Variants in FADS3 observed in about 807,000 individuals in gnomAD.
FADS3 encodes the protein fatty acid desaturase 3.
FADS3 carries 30 observed loss-of-function variants against 60.4 expected under a neutral mutation model. That is an observed-to-expected ratio of 0.50 (90% CI 0.37 to 0.67). FADS3 has a LOEUF of 0.67. Among genes scored for constraint, FADS3 ranks in the 30% least tolerant of loss-of-function variants. FADS3 has a pLI of 0.00. For missense variants in FADS3, 432 were observed against 598.3 expected (o/e 0.72, Z 2.90); for synonymous variants, 234 against 249.3 (o/e 0.94, Z 0.58).
At chr11:61,878,087 C>T (rs1937977823) in intron 6 of FADS3, 68 bp downstream of exon 6, 4 of 1,454,668 alleles carry the variant, frequency 2.7e-6, no homozygotes, top group African/African-American at 2.8e-5. Flanking sequence ...GGGAGTGGTC[C>T]AGGACAGCAG....
At chr11:61,884,901 T>C (rs1938258482) in intron 1 of FADS3, among the ~76,000 whole-genome samples, 1 of 152,128 alleles carries the variant, frequency 6.6e-6, no homozygotes, top group Admixed American at 6.5e-5. Flanking sequence ...CTGTTCACAG[T>C]GGCATCCTCA....
In FADS3 at chr11:61,891,217, G is replaced by T; in HGVS notation, c.165C>A (p.His55Gln). 6.4e-7 allele frequency: 1 copy of T among 1,556,190 alleles called. No homozygotes were observed. The highest frequency in any genetic ancestry group is 2.4e-5 in the East Asian group (1 of 41,588). ...GGCCGATGAGGCGGCTGCCCCCTGG[G>T]TGCCGCTGTGCCCAGCGGCTGATGT... ...VYDISRWAQR[H>Q]PGGSRLIGHH... The change falls in exon 1 of 12, where the codon CAC (histidine) becomes CAA (glutamine). Residue 55 changes from histidine (H) to glutamine (Q), a missense_variant. By Grantham distance (24) the His-to-Gln change is conservative. Coordinates refer to ENST00000278829, the MANE Select transcript of FADS3 (RefSeq NM_021727.5).
At position 61,891,484 on chromosome 11, in the gene FADS3, GCTGCTCC is replaced by G; in HGVS notation, c.-110_-104del. On this transcript the variant is annotated 5_prime_UTR_variant, in exon 1 of 12. Coordinates refer to ENST00000278829, the MANE Select transcript of FADS3 (RefSeq NM_021727.5). ...CCGGGCGCCGCCTCCGCCGCCGCCC[GCTGCTCC>G]GGCCCCGCCCTGCCGCCGCGGCCGC... is the stretch of plus-strand genomic sequence containing the variant. The G allele has an allele frequency of 1.2e-6, 1 of 802,004 alleles. No homozygotes were observed. Among genetic ancestry groups the G allele is most frequent in the Non-Finnish European group, 1.7e-6 (1 of 592,566 alleles). The allele number at this position is 802,004 out of a possible 1,614,324, so 49.7% of individuals were successfully genotyped here. A position where few individuals can be genotyped will look rare whatever the true frequency, so the allele number is the denominator to read the frequency against.
chr11:61,891,106 C>A, intron 1 of FADS3, 63 bp downstream of exon 1: 1 of 1,387,708 alleles, frequency 7.2e-7, no homozygotes, highest in South Asian at 1.2e-5. Flanking sequence ...AGCGGGACAT[C>A]ACGCCCACGA....
At position 61,891,311 on chromosome 11, in the gene FADS3, CAGA is replaced by C. The variant is rs1938503783; in HGVS notation, c.68_70del (p.Phe23del). The C allele has an allele frequency of 6.5e-7, 1 of 1,527,282 alleles. No individual in the cohort carries two copies. The highest frequency in any genetic ancestry group is 1.4e-5 in the African/African-American group (1 of 72,022). 94.6% of individuals were successfully genotyped at this position (1,527,282 alleles called of 1,614,324 possible). A position where few individuals can be genotyped will look rare whatever the true frequency, so the allele number is the denominator to read the frequency against. The stretch of plus-strand genomic sequence containing the variant: ...GTCGTGCGCGCGGATCTGCTCCCAG[CAGA>C]AGGTGGGCAGCGGCGCCCCCGGCTG... On this transcript the variant is annotated inframe_deletion, in exon 1 of 12. Coordinates refer to ENST00000278829, the MANE Select transcript of FADS3 (RefSeq NM_021727.5).
Position 61,876,296 on chromosome 11 carries a change from C to A in FADS3, c.1080+63G>T. 1.3e-6 allele frequency: 2 copies of A among 1,591,694 alleles called. No individual in the cohort carries two copies. The highest frequency in any genetic ancestry group is 1.7e-6 in the Non-Finnish European group (2 of 1,165,386). ...CCGTCAGGGCCTCATCCCTGCTTTGCCATCTGGCTCCTAGCTGGGACCCCC... is the reference window on the plus strand; with the variant it reads ...CCGTCAGGGCCTCATCCCTGCTTTGACATCTGGCTCCTAGCTGGGACCCCC... On this transcript the variant is annotated intron_variant, in intron 9 of 11. Coordinates refer to ENST00000278829, the MANE Select transcript of FADS3 (RefSeq NM_021727.5). This position sits in a 1 kb window ranked among gnomAD's most constrained non-coding sequence, Gnocchi z 5.7.
Position 61,876,421 on chromosome 11 carries a change from G to C in FADS3, c.1018C>G (p.Gln340Glu). 6.2e-7 allele frequency: 1 copy of C among 1,613,476 alleles called. No homozygotes were observed. Among genetic ancestry groups the C allele is most frequent in the Non-Finnish European group, 8.5e-7 (1 of 1,180,008 alleles). The change falls in exon 9 of 12, where the codon CAG becomes GAG. Residue 340 changes from glutamine to glutamate, a missense_variant. Around this residue, in one of 5 missense-constraint regions of FADS3, gnomAD observed 48 missense variants for 101.3 expected, o/e 0.47. Transcript: ENST00000278829. The surrounding 1 kb of genome is among the most constrained non-coding windows in gnomAD (Gnocchi z 5.7). ...ATCTCCTTGGGGATGTGGTTCATCT[G>C]TGTGATCCACACGAACCAGTGGCTT... ...LESHWFVWIT[Q>E]MNHIPKEIGH...
chr11:61,877,301 A>ACCCC lies in FADS3; in HGVS notation c.885+206_885+209dup. 8.0e-6 allele frequency: 1 copy of ACCCC among 124,730 alleles called. No homozygotes were observed. The highest frequency in any genetic ancestry group is 4.7e-5 in the African/African-American group (1 of 21,242). 7.7% of individuals were successfully genotyped at this position (124,730 alleles called of 1,614,324 possible). On this transcript the variant is annotated intron_variant, in intron 7 of 11. Transcript: ENST00000278829. This position sits in a 1 kb window ranked among gnomAD's most constrained non-coding sequence, Gnocchi z 4.7. ...AGACCCACACCCCCCCTGTTCCTCAACCCCCCCCCACCACACGTACAGTCA... is the reference window on the plus strand; with the variant it reads ...AGACCCACACCCCCCCTGTTCCTCAACCCCCCCCCCCCCACCACACGTACAGTCA...
chr11:61,884,832 A>G (rs989093335), intron 1 of FADS3, among the ~76,000 whole-genome samples: 1 of 152,182 alleles, frequency 6.6e-6, no homozygotes, highest in East Asian at 1.9e-4. Flanking sequence ...GAGCTGGGTG[A>G]AAGTGCTGGA....
chr11:61,875,417 G>C, intron 11 of FADS3, among the ~76,000 whole-genome samples: 1 of 142,280 alleles, frequency 7.0e-6, no homozygotes, highest in South Asian at 2.2e-4. Context: ...TTTTTTAGTA[G>C]AGACGGGGTT....
chr11:61,883,747 G>T (rs377377596), intron 1 of FADS3, among the ~76,000 whole-genome samples: 6 of 152,152 alleles, frequency 3.9e-5, no homozygotes, highest in African/African-American at 1.4e-4. Flanking sequence ...CTCCTTTCCC[G>T]TTGGTCCTGA....
intron 1 of FADS3, chr11:61,882,119 T>G (rs1245990698): frequency 4.3e-5 from 6 of 139,240 alleles, no homozygotes; most frequent in African/African-American, 1.6e-4. Context: ...TTTTTTTTTT[T>G]TTTTTTTTTG....
intron 11 of FADS3, 116 bp from the exon 12 acceptor site, chr11:61,873,981 C>A: frequency 1.5e-6 from 1 of 659,254 alleles, no homozygotes; most frequent in East Asian, 2.9e-5. Context: ...TGTGGGTTCC[C>A]TTCCCTGGGG....
chr11:61,874,603 G>A (rs754322045), intron 11 of FADS3, among the ~76,000 whole-genome samples: 4 of 152,168 alleles, frequency 2.6e-5, no homozygotes, highest in Admixed American at 2.0e-4. Context: ...GATGCAAGCC[G>A]GGCGTGTCCC....
At chr11:61,879,788 G>A (rs1332239200) in intron 2 of FADS3, among the ~76,000 whole-genome samples, 1 of 152,224 alleles carries the variant, frequency 6.6e-6, no homozygotes, top group Non-Finnish European at 1.5e-5. Flanking sequence ...GCGACAACAG[G>A]GAGGGAGCTT....
chr11:61,890,107 G>A (rs1209387953), intron 1 of FADS3: 5 of 148,914 alleles, frequency 3.4e-5, no homozygotes, highest in Admixed American at 6.8e-5. Flanking sequence ...GAACAGCCAC[G>A]GACAAGGCGT....
In FADS3 at chr11:61,882,109, T is replaced by G. The variant is rs1458238070; in HGVS notation, c.214-1958A>C. On this transcript the variant is annotated intron_variant, in intron 1 of 11. Coordinates refer to ENST00000278829, the MANE Select transcript of FADS3 (RefSeq NM_021727.5). ...TGACCCCACTGGGTGTTTTTTTTTT[T>G]TTTTTTTTTTTTTTTTTTTGAGATA... 7 of 132,406 alleles carry G rather than the reference T, an allele frequency of 5.3e-5. No homozygotes were observed. The South Asian group carries it at 1.3e-3, about 25-fold the overall frequency. 8.2% of individuals were successfully genotyped at this position (132,406 alleles called of 1,614,324 possible).
chr11:61,889,216 A>AT (rs1245336452), intron 1 of FADS3, among the ~76,000 whole-genome samples: 2 of 152,134 alleles, frequency 1.3e-5, no homozygotes, highest in Non-Finnish European at 1.5e-5. Flanking sequence ...TTTAAAACAG[A>AT]TATTATTGGC....
intron 1 of FADS3, chr11:61,886,403 G>T (rs1197511760): frequency 2.6e-5 from 4 of 152,318 alleles, no homozygotes; most frequent in Non-Finnish European, 5.9e-5. Flanking sequence ...CCCCTCTGGG[G>T]AAGGGGCCTG....
Sources: gnomAD v4.1 joint callset for allele counts (sites outside exome capture counted in the v4.1 genomes callset) on GRCh38, gnomAD v4.1.1 for gene constraint, gnomAD v4.1.1 regional missense constraint, Gnocchi (gnomAD v3.1) non-coding constraint, MANE v1.5 for transcripts, NCBI Gene and HGNC (gene_info 2026-07-23, HGNC 2026-07-21) for gene names.